The following INSC variants were observed in gnomAD, a reference collection of about 807,000 sequenced individuals.
INSC encodes INSC spindle orientation adaptor protein, also known as protein inscuteable homolog.
A neutral mutation model predicts 58.6 loss-of-function variants in INSC; 67 were observed. That is an observed-to-expected ratio of 1.14 (90% CI 0.94 to 1.40). INSC has a LOEUF of 1.40. Ranked by LOEUF, INSC falls within the 40% of genes most tolerant of loss-of-function variation. The pLI is 0.00. For synonymous variants in INSC, 262 were observed against 276.1 expected, an observed-to-expected ratio of 0.95 and a Z score of 0.51; for missense variants, 714 against 692.0, an observed-to-expected ratio of 1.03 and a Z score of -0.36.
In INSC at chr11:15,225,725, A is replaced by G; in HGVS notation, c.1067A>G (p.Asp356Gly). 6.2e-7 allele frequency: 1 copy of G among 1,614,088 alleles called. No homozygotes were observed. The highest frequency in any genetic ancestry group is 8.5e-7 in the Non-Finnish European group (1 of 1,180,012). The change falls in exon 9 of 13, where the codon GAC becomes GGC. Residue 356 changes from aspartate (D) to glycine (G), a missense_variant. Asp to Gly is a moderately conservative substitution (Grantham distance 94). Coordinates refer to ENST00000379556, the MANE Select transcript of INSC (RefSeq NM_001042536.3). ...GCCCTTGCCAACATCACGTTCTTTG[A>G]CACAATGGCCTGCGAGATGCTCCTG... ...SAALANITFFDTMACEMLLQL... is the reference protein window; with the variant it reads ...SAALANITFFGTMACEMLLQL...
At chr11:15,262,655 A>AACACACACAC in the INSC span, among the ~76,000 whole-genome samples, 16,608 of 146,598 alleles carry the variant, frequency 0.11, 975 homozygotes, top group Admixed American at 0.16. Flanking sequence ...CTGGGTGATA[A>AACACACACAC]ACACACACAC....
intron 6 of INSC, among the ~76,000 whole-genome samples, chr11:15,191,336 A>C (rs1275373531): frequency 6.6e-6 from 1 of 152,140 alleles, no homozygotes; most frequent in Admixed American, 6.5e-5. Flanking sequence ...CACTTGAGAC[A>C]GAAATCTGGT....
chr11:15,114,387 C>T (rs538363513), upstream of INSC, among the ~76,000 whole-genome samples: 116 of 152,280 alleles, frequency 7.6e-4, no homozygotes, highest in African/African-American at 2.6e-3. Flanking sequence ...CAGAGGGAAG[C>T]ACCTGCGGTG....
the INSC span, among the ~76,000 whole-genome samples, chr11:15,267,130 A>G: frequency 1.3e-3 from 197 of 152,052 alleles, 3 homozygotes; most frequent in East Asian, 0.034. Flanking sequence ...TTCTTGGTTA[A>G]CAGTTTTTTT....
upstream of INSC, chr11:15,114,918 C>T (rs1034599904): frequency 2.0e-6 from 2 of 985,246 alleles, no homozygotes; most frequent in Non-Finnish European, 2.4e-6. Context: ...GCCGGCAGAG[C>T]GGCCACTTTG....
intron 2 of INSC, among the ~76,000 whole-genome samples, chr11:15,161,707 GAGA>G (rs1263515783): frequency 6.6e-6 from 1 of 152,306 alleles, no homozygotes; most frequent in Non-Finnish European, 1.5e-5. Context: ...TAGGGGTGGA[GAGA>G]AGAAGAATTG....
intron 1 of INSC, among the ~76,000 whole-genome samples, chr11:15,115,212 C>T (rs73412772): frequency 0.028 from 4,257 of 152,210 alleles, 174 homozygotes; most frequent in African/African-American, 0.091. Context: ...CCCCAGGGTG[C>T]GAGTGTGGGT....
intron 7 of INSC, among the ~76,000 whole-genome samples, chr11:15,205,937 T>A (rs1323981085): frequency 6.6e-6 from 1 of 152,114 alleles, no homozygotes; most frequent in East Asian, 1.9e-4. Flanking sequence ...GGAGGCAAGA[T>A]GCCAACACAC....
At chr11:15,172,347 TG>T (rs1849428835) in intron 2 of INSC, among the ~76,000 whole-genome samples, 1 of 152,178 alleles carries the variant, frequency 6.6e-6, no homozygotes, top group Non-Finnish European at 1.5e-5. Flanking sequence ...TGGAGGCGTA[TG>T]AAGTCTCTGC....
the INSC span, among the ~76,000 whole-genome samples, chr11:15,252,530 A>G: frequency 6.6e-6 from 1 of 152,192 alleles, no homozygotes; most frequent in Non-Finnish European, 1.5e-5. Context: ...GTTCCTCTTC[A>G]TTGGAGCCTC....
intron 1 of INSC, among the ~76,000 whole-genome samples, chr11:15,132,003 G>C (rs73414680): frequency 0.022 from 3,278 of 151,800 alleles, 96 homozygotes; most frequent in African/African-American, 0.068. Context: ...TTCTTTCTTT[G>C]TTTGGATTAA....
chr11:15,159,984 C>T (rs572459441), intron 2 of INSC, among the ~76,000 whole-genome samples: 2 of 152,316 alleles, frequency 1.3e-5, no homozygotes, highest in Admixed American at 6.5e-5. Flanking sequence ...AAGTTCCATA[C>T]ATATACACCA....
chr11:15,181,920 C>T (rs766193054), intron 5 of INSC, among the ~76,000 whole-genome samples: 3 of 152,134 alleles, frequency 2.0e-5, no homozygotes, highest in South Asian at 4.1e-4. Flanking sequence ...AGGAATAATC[C>T]AAAGTCCCAA....
the INSC span, among the ~76,000 whole-genome samples, chr11:15,266,864 G>A: frequency 1.3e-5 from 2 of 151,938 alleles, no homozygotes; most frequent in Non-Finnish European, 2.9e-5. Flanking sequence ...TTCATGGTTG[G>A]GTTGAAGAGT....
chr11:15,202,661 G>GACA (rs1387775046), intron 7 of INSC, among the ~76,000 whole-genome samples: 33 of 152,218 alleles, frequency 2.2e-4, no homozygotes, highest in Non-Finnish European at 4.3e-4. Context: ...CTGGTTGGCA[G>GACA]GGAAAATGGG....
At chr11:15,158,860 G>GTATTTTT (rs1554907670) in intron 2 of INSC, among the ~76,000 whole-genome samples, 9 of 109,702 alleles carry the variant, frequency 8.2e-5, no homozygotes, top group East Asian at 2.6e-4. Flanking sequence ...ATTGTTGGTG[G>GTATTTTT]TTTTTTTTTT....
chr11:15,193,400 C>T (rs563810282), intron 6 of INSC, among the ~76,000 whole-genome samples: 2 of 152,150 alleles, frequency 1.3e-5, no homozygotes, highest in Non-Finnish European at 2.9e-5. Flanking sequence ...CCCATTAACT[C>T]GTCATTTACT....
At chr11:15,144,746 A>G (rs1033154032) in intron 1 of INSC, among the ~76,000 whole-genome samples, 1 of 152,222 alleles carries the variant, frequency 6.6e-6, no homozygotes, top group Non-Finnish European at 1.5e-5. Flanking sequence ...TTTACTGTAA[A>G]TAGCCTCCAT....
At chr11:15,166,962 G>A (rs767930935) in intron 2 of INSC, among the ~76,000 whole-genome samples, 1 of 152,162 alleles carries the variant, frequency 6.6e-6, no homozygotes, top group Non-Finnish European at 1.5e-5. Context: ...AAGTAAGGTT[G>A]TCGTGAATAA....
Sources: allele counts gnomAD v4.1 joint callset (sites outside exome capture counted in the v4.1 genomes callset), GRCh38; gene constraint gnomAD v4.1.1; transcripts MANE v1.5; gene names NCBI Gene and HGNC (gene_info 2026-07-23, HGNC 2026-07-21).